Variants in ZGPAT observed in about 807,000 individuals in gnomAD.
ZGPAT encodes the protein zinc finger CCCH-type with G patch domain-containing protein.
In ZGPAT, 39 loss-of-function variants were observed where a neutral mutation model predicts 47.9. The ratio of observed to expected loss-of-function variants is 0.81; its 90% CI spans 0.63 to 1.06. ZGPAT has a LOEUF of 1.06. Ranked by LOEUF, ZGPAT falls within the 50% of genes least tolerant of loss-of-function variation. The pLI is 0.00. For synonymous variants in ZGPAT, 348 were observed against 292.9 expected, an observed-to-expected ratio of 1.19 and a Z score of -1.92; for missense variants, 717 against 681.4, an observed-to-expected ratio of 1.05 and a Z score of -0.58.
chr20:63,710,238 C>CT (rs889655554), intron 2 of ZGPAT, among the ~76,000 whole-genome samples: 1 of 151,464 alleles, frequency 6.6e-6, no homozygotes, highest in African/African-American at 2.4e-5. Context: ...ACCGCAACCT[C>CT]TGTCTCCCGG....
intron 2 of ZGPAT, 140 bp from the exon 3 acceptor site, chr20:63,733,071 CGTGAGTGT>C: frequency 6.0e-6 from 6 of 994,814 alleles, no homozygotes; most frequent in Non-Finnish European, 8.7e-6. Context: ...TATGTGTGTG[CGTGAGTGT>C]GTGAGAGTGT....
intron 2 of ZGPAT, among the ~76,000 whole-genome samples, chr20:63,724,869 G>A (rs1373727851): frequency 6.6e-6 from 1 of 151,254 alleles, no homozygotes; most frequent in East Asian, 1.9e-4. Flanking sequence ...TAGAGACAGG[G>A]TTTCACTATG....
Position 63,725,139 on chromosome 20 carries a change from C to T in ZGPAT, c.585-8080C>T, listed in dbSNP as rs555877938. ...AGCTGGGATTACAGGCGCCTGCCAC[C>T]ACGCCCACCTAATTTTTTGTATTTT... On this transcript the variant is annotated intron_variant, in intron 2 of 6. Transcript: ENST00000355969. 2.6e-5 allele frequency among the ~76,000 whole-genome samples: 4 copies of T among 152,228 alleles called. No individual in the cohort carries two copies. The East Asian group carries it at 5.8e-4, about 22-fold the overall frequency.
At chr20:63,733,903 C>T (rs994683832) in intron 4 of ZGPAT, 164 bp downstream of exon 4, 14 of 863,586 alleles carry the variant, frequency 1.6e-5, no homozygotes, top group Admixed American at 1.2e-4. Flanking sequence ...GGGGTAGATC[C>T]GTGGCGGCCT....
At chr20:63,731,407 G>A (rs2091900420) in intron 2 of ZGPAT, among the ~76,000 whole-genome samples, 1 of 150,074 alleles carries the variant, frequency 6.7e-6, no homozygotes, top group South Asian at 2.1e-4. Context: ...CCCTTGGTGT[G>A]TGTGTATGTG....
intron 2 of ZGPAT, among the ~76,000 whole-genome samples, chr20:63,726,508 A>G (rs2091847531): frequency 9.4e-6 from 1 of 106,856 alleles, no homozygotes; most frequent in African/African-American, 3.7e-5. Flanking sequence ...TTTTTTTTTA[A>G]TAGGCTTTTT....
chr20:63,717,443 A>C (rs1469216217), intron 2 of ZGPAT, among the ~76,000 whole-genome samples: 1 of 140,582 alleles, frequency 7.1e-6, no homozygotes, highest in Non-Finnish European at 1.5e-5. Context: ...TCCGCCGCCC[A>C]GGCGATTCTC....
At chr20:63,734,657 A>T (rs759989979) in intron 4 of ZGPAT, 48 bp from the exon 5 acceptor site, 1 of 1,602,314 alleles carries the variant, frequency 6.2e-7, no homozygotes, top group South Asian at 1.1e-5. Flanking sequence ...GTGGGGTCGG[A>T]CGCCGTGGAC....
intron 4 of ZGPAT, chr20:63,733,957 T>C: frequency 1.7e-6 from 1 of 600,050 alleles, no homozygotes; most frequent in Non-Finnish European, 2.8e-6. Flanking sequence ...GTCTCATTGA[T>C]GGGAGGCCAT....
intron 2 of ZGPAT, among the ~76,000 whole-genome samples, chr20:63,716,223 T>G (rs1251961309): frequency 6.6e-6 from 1 of 152,212 alleles, no homozygotes; most frequent in African/African-American, 2.4e-5. Context: ...AGGAACAGCA[T>G]TTCACCATGT....
At position 63,708,569 on chromosome 20, in the gene ZGPAT, C is replaced by T. The variant is rs761751768; in HGVS notation, c.-12C>T. 3.2e-6 allele frequency: 5 copies of T among 1,575,598 alleles called. No homozygotes were observed. Among genetic ancestry groups the T allele is most frequent in the Admixed American group, 1.8e-5 (1 of 56,280 alleles). On this transcript the variant is annotated 5_prime_UTR_variant, in exon 2 of 7. Transcript: ENST00000355969. ...TTCTTGCAGCCCTGGTCCAGCGCCT[C>T]CCTCTCTCAGCATGGACGAGGAGAG...
chr20:63,733,416 G>A, intron 3 of ZGPAT, 64 bp downstream of exon 3: 2 of 1,600,136 alleles, frequency 1.2e-6, no homozygotes, highest in Non-Finnish European at 1.7e-6. Context: ...TTGTCACTGT[G>A]TGGCTGCTCC....
intron 4 of ZGPAT, 144 bp downstream of exon 4, chr20:63,733,883 C>T (rs1259163142): frequency 3.6e-6 from 4 of 1,110,056 alleles, no homozygotes; most frequent in East Asian, 2.6e-5. Context: ...CTGAGGAGGC[C>T]GTGTGGGTAG....
chr20:63,718,929 G>A (rs1012054851), intron 2 of ZGPAT, among the ~76,000 whole-genome samples: 28 of 152,214 alleles, frequency 1.8e-4, no homozygotes, highest in African/African-American at 6.7e-4. Flanking sequence ...AACCAGGTGT[G>A]GTGGCAGGTG....
intron 2 of ZGPAT, among the ~76,000 whole-genome samples, chr20:63,723,839 G>A (rs1418803614): frequency 1.6e-4 from 24 of 152,240 alleles, no homozygotes; most frequent in Admixed American, 1.6e-3. Context: ...TGGGGGCTGA[G>A]GTGGGCAGAT....
intron 5 of ZGPAT, 48 bp downstream of exon 5, chr20:63,734,872 C>A (rs2091962244): frequency 6.6e-7 from 1 of 1,524,400 alleles, no homozygotes; most frequent in Non-Finnish European, 8.8e-7. Flanking sequence ...TGCAGCATAG[C>A]CCAGGTCCAG....
rs777472405 is a variant in ZGPAT at position 63,708,913 on chromosome 20, A to G, written c.333A>G (p.Pro111=). The change falls in exon 2 of 7, where the codon CCA becomes CCG. Residue 111 remains proline, a synonymous_variant. Coordinates refer to ENST00000355969, the MANE Select transcript of ZGPAT (RefSeq NM_181485.3). ...SETVPKAEAG[P]ESAAGGQEEE... is the part of the protein sequence containing the mutation. ...CCGTTCCTAAAGCAGAGGCGGGGCC[A>G]GAATCTGCGGCAGGTGGGCAGGAGG... 2.2e-5 allele frequency: 36 copies of G among 1,612,084 alleles called. No individual in the cohort carries two copies. The highest frequency in any genetic ancestry group is 3.0e-5 in the Non-Finnish European group (35 of 1,179,420).
chr20:63,735,747 A>G (rs2091982503), intron 6 of ZGPAT, 34 bp from the exon 7 acceptor site: 1 of 1,567,494 alleles, frequency 6.4e-7, no homozygotes, highest in South Asian at 1.2e-5. Flanking sequence ...GGCATGGCCC[A>G]GGACCCCACG....
chr20:63,724,888 G>T (rs1053907203), intron 2 of ZGPAT, among the ~76,000 whole-genome samples: 2 of 151,622 alleles, frequency 1.3e-5, no homozygotes, highest in African/African-American at 4.8e-5. Context: ...TGTTGGCCAG[G>T]CTGGTCTCGA....
Sources: allele counts gnomAD v4.1 joint callset (sites outside exome capture counted in the v4.1 genomes callset), GRCh38; gene constraint gnomAD v4.1.1; transcripts MANE v1.5; gene names NCBI Gene and HGNC (gene_info 2026-07-23, HGNC 2026-07-21).